The following GRXCR1 variants were observed in gnomAD, a reference collection of about 807,000 sequenced individuals.
The protein encoded by GRXCR1 is glutaredoxin domain-containing cysteine-rich protein 1.
In GRXCR1, 27 loss-of-function variants were observed where a neutral mutation model predicts 27.3. That is an observed-to-expected ratio of 0.99 (90% CI 0.73 to 1.37). GRXCR1 has a LOEUF of 1.37. GRXCR1 is among the 40% of genes most tolerant of loss of function. GRXCR1 has a pLI of 0.00. For missense variants in GRXCR1, 379 were observed against 354.4 expected, an observed-to-expected ratio of 1.07 and a Z score of -0.56; for synonymous variants, 122 against 131.1, an observed-to-expected ratio of 0.93 and a Z score of 0.47.
At chr4:42,917,339 G>A (rs1450904) in intron 1 of GRXCR1, among the ~76,000 whole-genome samples, 3 of 151,968 alleles carry the variant, frequency 2.0e-5, no homozygotes, top group Admixed American at 6.6e-5. Context: ...CAATGAGATT[G>A]TGGCTTTCAT....
At chr4:42,975,982 G>A (rs112543167) in intron 2 of GRXCR1, among the ~76,000 whole-genome samples, 7 of 152,158 alleles carry the variant, frequency 4.6e-5, no homozygotes, top group East Asian at 3.9e-4. Context: ...ACAGCTTCAC[G>A]TACAGTCTTT....
chr4:43,003,753 C>G lies in GRXCR1; in HGVS notation c.628-16601C>G, dbSNP rs968663651. Among the ~76,000 whole-genome samples the G allele has an allele frequency of 7.2e-5, 11 of 152,260 alleles. No individual in the cohort carries two copies. In the East Asian group the frequency reaches 1.9e-3, roughly 27 times the overall value. On this transcript the variant is annotated intron_variant, in intron 2 of 3. Coordinates refer to ENST00000399770, the MANE Select transcript of GRXCR1 (RefSeq NM_001080476.3). ...AAGCATTCAAGAAATTGCCTGGCTG[C>G]TCTTAACAGCATACAATCACATGCA...
At chr4:43,020,073 C>G (rs745586658) in intron 2 of GRXCR1, among the ~76,000 whole-genome samples, 6 of 152,072 alleles carry the variant, frequency 3.9e-5, no homozygotes, top group Non-Finnish European at 7.4e-5. Context: ...TATGCTGGCC[C>G]TTTCTGTATT....
intron 1 of GRXCR1, among the ~76,000 whole-genome samples, chr4:42,909,106 A>G (rs2109743588): frequency 6.6e-6 from 1 of 152,224 alleles, no homozygotes; most frequent in Middle Eastern, 3.4e-3. Context: ...TAAAAAGCAA[A>G]CGCTTTAGAT....
At chr4:42,972,062 A>C (rs1239273311) in intron 2 of GRXCR1, among the ~76,000 whole-genome samples, 3 of 152,076 alleles carry the variant, frequency 2.0e-5, no homozygotes, top group Admixed American at 2.0e-4. Context: ...ATGTCTGGCT[A>C]ATTTTTAAAT....
chr4:42,981,095 C>T (rs1748654371), intron 2 of GRXCR1, among the ~76,000 whole-genome samples: 1 of 150,200 alleles, frequency 6.7e-6, no homozygotes. Flanking sequence ...TAGATCTTTT[C>T]TCTCTTTCTT....
At chr4:43,028,611 C>T (rs1044987511) in intron 3 of GRXCR1, among the ~76,000 whole-genome samples, 4 of 152,170 alleles carry the variant, frequency 2.6e-5, no homozygotes, top group Non-Finnish European at 5.9e-5. Context: ...ACATTATATT[C>T]TTTCTAGTAT....
At chr4:42,963,257 A>G (rs1560666696) in intron 2 of GRXCR1, 123 bp downstream of exon 2, 22 of 1,110,710 alleles carry the variant, frequency 2.0e-5, no homozygotes, top group Non-Finnish European at 1.6e-5. Context: ...TGGAGCTCAA[A>G]CCAAAGGGAT....
intron 2 of GRXCR1, among the ~76,000 whole-genome samples, chr4:43,018,555 C>G (rs980183617): frequency 6.6e-6 from 1 of 152,092 alleles, no homozygotes; most frequent in Non-Finnish European, 1.5e-5. Flanking sequence ...ATGCGTTGTA[C>G]TCTAAACAAC....
At chr4:42,987,169 GC>G (rs1448443266) in intron 2 of GRXCR1, among the ~76,000 whole-genome samples, 3 of 140,276 alleles carry the variant, frequency 2.1e-5, no homozygotes, top group Non-Finnish European at 4.6e-5. Context: ...TTTGAACTGT[GC>G]TTTGAAAAAT....
rs188712545 is a variant in GRXCR1, at chr4:42,935,142, G to T, written c.385-27750G>T. On this transcript the variant is annotated intron_variant, in intron 1 of 3. Transcript: ENST00000399770. ...ATATGTTAAACATTACATTTTATAG[G>T]TTACATATAAGTGAAAGACATATTT... Among the ~76,000 whole-genome samples the T allele has an allele frequency of 5.3e-5, 8 of 152,018 alleles. No individual in the cohort carries two copies. The East Asian group carries it at 1.4e-3, about 26-fold the overall frequency.
chr4:42,995,372 T>G lies in GRXCR1; in HGVS notation c.628-24982T>G, dbSNP rs138368125. ...TACTATAAAGAGTTTTAAACCTGTTTATTTGTATATACTTGCTTTGCATTT... is the reference window on the plus strand; with the variant it reads ...TACTATAAAGAGTTTTAAACCTGTTGATTTGTATATACTTGCTTTGCATTT... On this transcript the variant is annotated intron_variant, in intron 2 of 3. Transcript: ENST00000399770. Among the ~76,000 whole-genome samples the G allele has an allele frequency of 2.6e-5, 4 of 152,362 alleles. No individual in the cohort carries two copies. The East Asian group carries it at 7.7e-4, about 29-fold the overall frequency.
At position 42,953,547 on chromosome 4, in the gene GRXCR1, G is replaced by T. The variant is rs539003934; in HGVS notation, c.385-9345G>T. Among the ~76,000 whole-genome samples, 8 of 152,290 alleles carry T rather than the reference G, an allele frequency of 5.3e-5. No homozygotes were observed. The East Asian group carries it at 1.6e-3, about 30-fold the overall frequency. On this transcript the variant is annotated intron_variant, in intron 1 of 3. Coordinates refer to ENST00000399770, the MANE Select transcript of GRXCR1 (RefSeq NM_001080476.3). ...CCCCAGGCTTCTAGTTCCCCAGCTGGTGGGAAGTGTAGAACAGATGGGCTG... is the reference window on the plus strand; with the variant it reads ...CCCCAGGCTTCTAGTTCCCCAGCTGTTGGGAAGTGTAGAACAGATGGGCTG...
chr4:42,975,252 T>A (rs1210591555), intron 2 of GRXCR1, among the ~76,000 whole-genome samples: 1 of 152,110 alleles, frequency 6.6e-6, no homozygotes, highest in African/African-American at 2.4e-5. Context: ...TCCCTGGGCC[T>A]AGAGGGATTG....
At chr4:43,017,327 C>A (rs1712960560) in intron 2 of GRXCR1, among the ~76,000 whole-genome samples, 1 of 152,116 alleles carries the variant, frequency 6.6e-6, no homozygotes, top group Non-Finnish European at 1.5e-5. Context: ...TATCAGTGAG[C>A]AGGCAGCTTG....
intron 2 of GRXCR1, among the ~76,000 whole-genome samples, chr4:42,991,994 G>A (rs1289765446): frequency 6.6e-6 from 1 of 152,130 alleles, no homozygotes; most frequent in Admixed American, 6.5e-5. Flanking sequence ...AGTCCTGGCT[G>A]CCCTTCCTTT....
intron 1 of GRXCR1, among the ~76,000 whole-genome samples, chr4:42,927,489 A>G (rs1577908677): frequency 1.3e-5 from 2 of 152,016 alleles, no homozygotes; most frequent in South Asian, 4.1e-4. Flanking sequence ...ACAGATTTTT[A>G]CGAAATGTTT....
intron 1 of GRXCR1, among the ~76,000 whole-genome samples, chr4:42,913,195 C>G (rs867074879): frequency 3.3e-5 from 5 of 152,032 alleles, no homozygotes; most frequent in African/African-American, 7.2e-5. Flanking sequence ...TGTAAAGATA[C>G]CAAAAAATGT....
At position 43,030,516 on chromosome 4, in the gene GRXCR1, G is replaced by C; in HGVS notation, c.849G>C (p.Gln283His). ...KCTACNENGL[Q>H]RCKNCAG is the part of the protein sequence containing the mutation. ...CGGCTTGCAATGAAAATGGTCTTCA[G>C]CGTTGTAAGAACTGTGCTGGTTAAT... Residue 283 changes from glutamine to histidine, a missense_variant, in exon 4 of 4, where the codon CAG (glutamine) becomes CAC (histidine). Gln to His is a conservative substitution (Grantham distance 24, BLOSUM62 0). Transcript: ENST00000399770. 1 of 1,614,106 alleles carries C rather than the reference G, an allele frequency of 6.2e-7. No individual in the cohort carries two copies. Among genetic ancestry groups the C allele is most frequent in the African/African-American group, 1.3e-5 (1 of 75,034 alleles).
Sources: gnomAD v4.1 joint callset for allele counts (sites outside exome capture counted in the v4.1 genomes callset) on GRCh38, gnomAD v4.1.1 for gene constraint, MANE v1.5 for transcripts, NCBI Gene and HGNC (gene_info 2026-07-23, HGNC 2026-07-21) for gene names.